DCDC1: variants seen among roughly 807,000 people sequenced by gnomAD.
DCDC1 encodes doublecortin domain containing 1.
In DCDC1, 200 loss-of-function variants were observed where a neutral mutation model predicts 178.3. The observed-to-expected ratio is 1.12, with a 90% CI of 1.00 to 1.26. The LOEUF (loss-of-function observed/expected upper bound fraction) is 1.26, where lower values mean the gene tolerates loss of function less well. DCDC1 is among the 50% of genes most tolerant of loss of function. The pLI is 0.00. For missense variants in DCDC1, 1,983 were observed against 1,749.2 expected (o/e 1.13, Z -2.38); for synonymous variants, 690 against 604.8 (o/e 1.14, Z -2.07).
chr11:31,357,655 T>C lies in DCDC1; in HGVS notation c.-125+12042A>G, dbSNP rs567746711. Among the ~76,000 whole-genome samples the C allele has an allele frequency of 3.9e-5, 6 of 152,252 alleles. No individual in the cohort carries two copies. In the East Asian group the frequency reaches 1.2e-3, roughly 29 times the overall value. ...AAAAGAGGAAGTCAAATTGTCACTG[T>C]TTGCAGATGACATGATTGTATATCT... On this transcript the variant is annotated intron_variant, in intron 1 of 38. Transcript: ENST00000684477.
chr11:31,298,736 C>A (rs1355612060), intron 6 of DCDC1, among the ~76,000 whole-genome samples: 1 of 152,180 alleles, frequency 6.6e-6, no homozygotes, highest in Non-Finnish European at 1.5e-5. Flanking sequence ...TTCAAAAAAG[C>A]CAATGTCTGT....
At chr11:31,329,061 T>C (rs1031026095) in intron 2 of DCDC1, among the ~76,000 whole-genome samples, 1 of 147,762 alleles carries the variant, frequency 6.8e-6, no homozygotes, top group Admixed American at 7.0e-5. Flanking sequence ...CTTCAAGGCA[T>C]GGAAGTGAAT....
At chr11:31,016,069 T>C (rs1352285411) in intron 20 of DCDC1, among the ~76,000 whole-genome samples, 3 of 152,160 alleles carry the variant, frequency 2.0e-5, no homozygotes, top group Non-Finnish European at 4.4e-5. Context: ...GGGGGTTGGG[T>C]CCCATCTGTG....
intron 11 of DCDC1, among the ~76,000 whole-genome samples, chr11:31,119,892 T>A (rs1337454160): frequency 1.3e-5 from 2 of 152,174 alleles, no homozygotes. Context: ...AACAGATTGG[T>A]TTTGCTAATC....
At chr11:31,260,292 A>T (rs1183078725) in intron 8 of DCDC1, among the ~76,000 whole-genome samples, 2 of 152,198 alleles carry the variant, frequency 1.3e-5, no homozygotes, top group African/African-American at 4.8e-5. Context: ...GGACTTTAAA[A>T]TTTTGGATTT....
At chr11:31,238,189 G>A (rs139882609) in intron 9 of DCDC1, among the ~76,000 whole-genome samples, 1 of 151,972 alleles carries the variant, frequency 6.6e-6, no homozygotes. Flanking sequence ...TTTCAGAAAT[G>A]AGTGTTTCTC....
At chr11:30,900,158 T>G (rs1333684648) in intron 33 of DCDC1, among the ~76,000 whole-genome samples, 188 bp downstream of exon 33, 3 of 152,148 alleles carry the variant, frequency 2.0e-5, no homozygotes, top group African/African-American at 7.2e-5. Flanking sequence ...AACAGGCAAA[T>G]GTGCAAACAT....
At chr11:31,280,996 C>T (rs1245403576) in intron 7 of DCDC1, 1 of 597,982 alleles carries the variant, frequency 1.7e-6, no homozygotes, top group African/African-American at 1.8e-5. Flanking sequence ...ATATTTAATT[C>T]CCTTTTTCGT....
intron 20 of DCDC1, among the ~76,000 whole-genome samples, chr11:31,063,731 T>G (rs1034352017): frequency 8.5e-5 from 13 of 152,078 alleles, no homozygotes; most frequent in African/African-American, 3.1e-4. Context: ...ATAAATTAAT[T>G]AATTAAATCA....
intron 13 of DCDC1, among the ~76,000 whole-genome samples, chr11:31,106,342 T>C (rs566867630): frequency 6.6e-6 from 1 of 152,342 alleles, no homozygotes; most frequent in African/African-American, 2.4e-5. Flanking sequence ...TGGGGAATCA[T>C]GTTGTCTACA....
intron 7 of DCDC1, chr11:31,280,862 C>G: frequency 1.6e-5 from 10 of 634,220 alleles, no homozygotes. Context: ...AATGGCCTGA[C>G]CTGTCTTCTG....
intron 20 of DCDC1, among the ~76,000 whole-genome samples, chr11:31,036,556 C>T (rs1954042088): frequency 6.6e-6 from 1 of 152,166 alleles, no homozygotes; most frequent in Non-Finnish European, 1.5e-5. Flanking sequence ...AAACCACAAA[C>T]ACAACATACA....
intron 11 of DCDC1, among the ~76,000 whole-genome samples, chr11:31,121,306 G>A (rs867445809): frequency 6.6e-6 from 1 of 151,390 alleles, no homozygotes; most frequent in Non-Finnish European, 1.5e-5. Context: ...GCAATTACAG[G>A]TGATACAACT....
intron 1 of DCDC1, among the ~76,000 whole-genome samples, chr11:31,362,566 T>C (rs1951764220): frequency 6.6e-6 from 1 of 152,306 alleles, no homozygotes; most frequent in South Asian, 2.1e-4. Context: ...TGTAATGGGC[T>C]TGAAACAGGG....
intron 2 of DCDC1, among the ~76,000 whole-genome samples, chr11:31,333,064 C>A (rs1046318379): frequency 6.6e-6 from 1 of 152,102 alleles, no homozygotes; most frequent in Non-Finnish European, 1.5e-5. Flanking sequence ...TCTGGGTGCT[C>A]CTGTATTGGG....
chr11:31,117,985 T>A (rs1378415182), intron 11 of DCDC1, among the ~76,000 whole-genome samples: 1 of 152,154 alleles, frequency 6.6e-6, no homozygotes, highest in Admixed American at 6.6e-5. Flanking sequence ...ATGATGTATT[T>A]TGTAAAAAGA....
chr11:31,189,010 C>T (rs916710425), intron 9 of DCDC1, among the ~76,000 whole-genome samples: 2 of 152,102 alleles, frequency 1.3e-5, no homozygotes, highest in Non-Finnish European at 2.9e-5. Flanking sequence ...CAAGAAGGTG[C>T]CATCTTTGGA....
At position 30,906,718 on chromosome 11, in the gene DCDC1, C is replaced by T. The variant is rs781732054; in HGVS notation, c.3926G>A (p.Cys1309Tyr). The T allele has an allele frequency of 3.1e-6, 5 of 1,612,276 alleles. No individual in the cohort carries two copies. The South Asian group carries it at 3.3e-5, about 11-fold the overall frequency. Residue 1309 changes from cysteine to tyrosine, a missense_variant, in exon 30 of 39, where the codon TGT becomes TAT. Transcript: ENST00000684477. ...TCTCTTTCCATCAGGTGAGAGATAA[C>T]AGTATCCCTAAAATGGGAGACAAAG... ...KEENIDQPGY[C>Y]YLSPDGKRKT...
intron 20 of DCDC1, among the ~76,000 whole-genome samples, chr11:30,987,476 T>C (rs1391820059): frequency 6.6e-6 from 1 of 152,148 alleles, no homozygotes; most frequent in African/African-American, 2.4e-5. Flanking sequence ...TTATAATTAA[T>C]AAACAAATAA....
Sources: allele counts gnomAD v4.1 joint callset (sites outside exome capture counted in the v4.1 genomes callset), GRCh38; gene constraint gnomAD v4.1.1; transcripts MANE v1.5; gene names NCBI Gene and HGNC (gene_info 2026-07-23, HGNC 2026-07-21).